Variants in STXBP5L observed in about 807,000 individuals in gnomAD.
STXBP5L encodes syntaxin binding protein 5L.
A neutral mutation model predicts 144.5 loss-of-function variants in STXBP5L; 65 were observed. The ratio of observed to expected loss-of-function variants is 0.45; its 90% CI spans 0.37 to 0.55. The LOEUF (loss-of-function observed/expected upper bound fraction) is 0.55. Among genes scored for constraint, STXBP5L ranks in the 20% least tolerant of loss-of-function variants. The pLI is 0.00. For synonymous variants in STXBP5L, 505 were observed against 469.6 expected, an observed-to-expected ratio of 1.08 and a Z score of -0.97; for missense variants, 1,298 against 1,405.5, an observed-to-expected ratio of 0.92 and a Z score of 1.22.
At chr3:121,025,954 A>G (rs992863363) in intron 3 of STXBP5L, among the ~76,000 whole-genome samples, 4 of 142,200 alleles carry the variant, frequency 2.8e-5, no homozygotes, top group African/African-American at 7.6e-5. Context: ...TCAATATATC[A>G]TAATGTATAA....
chr3:121,024,109 G>A (rs931712193), intron 3 of STXBP5L, among the ~76,000 whole-genome samples: 2 of 152,102 alleles, frequency 1.3e-5, no homozygotes, highest in African/African-American at 4.8e-5. Context: ...CCCTGCGAAA[G>A]ACACTCTTAA....
intron 5 of STXBP5L, among the ~76,000 whole-genome samples, chr3:121,111,180 A>G (rs929406859): frequency 6.6e-6 from 1 of 152,166 alleles, no homozygotes; most frequent in Non-Finnish European, 1.5e-5. Flanking sequence ...TTGGGTTAGA[A>G]CATGCTCCTT....
intron 17 of STXBP5L, 137 bp downstream of exon 17, chr3:121,257,470 T>A: frequency 1.4e-6 from 1 of 709,946 alleles, no homozygotes; most frequent in Non-Finnish European, 2.2e-6. Context: ...GTTACTCTGG[T>A]CTTTTCTTTG....
chr3:121,278,985 CA>C (rs2050968269), intron 18 of STXBP5L, among the ~76,000 whole-genome samples: 1 of 151,220 alleles, frequency 6.6e-6, no homozygotes. Flanking sequence ...GGTTTGTAAA[CA>C]AGATTCAATC....
Position 121,411,404 on chromosome 3 carries a change from C to T in STXBP5L, c.2949-1754C>T, listed in dbSNP as rs537688766. 2.6e-5 allele frequency among the ~76,000 whole-genome samples: 4 copies of T among 152,124 alleles called. No homozygotes were observed. The East Asian group carries it at 7.7e-4, about 29-fold the overall frequency. On this transcript the variant is annotated intron_variant, in intron 23 of 26. Coordinates refer to ENST00000471454, the MANE Select transcript of STXBP5L (RefSeq NM_001308330.2). ...GGACAATGTAAAATCATTGTGCACACTTAGAATCAGTATAATGGTTTCAAA... is the reference window on the plus strand; with the variant it reads ...GGACAATGTAAAATCATTGTGCACATTTAGAATCAGTATAATGGTTTCAAA...
rs2046884634 is a variant in STXBP5L, at chr3:121,401,885, AGAGTAT to A, written c.2588-5357_2588-5352del. ...AATGTGCACATGTACCCTAAAACTTAGAGTATAATAAAAAAAAAAAAAAAAGGAATT... is the reference window on the plus strand; with the variant it reads ...AATGTGCACATGTACCCTAAAACTTAAATAAAAAAAAAAAAAAAAGGAATT... On this transcript the variant is annotated intron_variant, in intron 22 of 26. Coordinates refer to ENST00000471454, the MANE Select transcript of STXBP5L (RefSeq NM_001308330.2). 2.8e-4 allele frequency among the ~76,000 whole-genome samples: 21 copies of A among 75,002 alleles called. No homozygotes were observed. In the Admixed American group the frequency reaches 2.9e-3, roughly 10 times the overall value. 49.2% of individuals were successfully genotyped at this position (75,002 alleles called of 152,430 possible). A position where few individuals can be genotyped will look rare whatever the true frequency, so the allele number is the denominator to read the frequency against.
chr3:121,172,100 GA>G (rs1291564350), intron 9 of STXBP5L, among the ~76,000 whole-genome samples: 2 of 150,238 alleles, frequency 1.3e-5, no homozygotes, highest in African/African-American at 2.4e-5. Flanking sequence ...AAGCAATGGG[GA>G]AAAAATTGTT....
At chr3:121,083,010 A>T (rs2042322685) in intron 5 of STXBP5L, among the ~76,000 whole-genome samples, 1 of 152,122 alleles carries the variant, frequency 6.6e-6, no homozygotes, top group Non-Finnish European at 1.5e-5. Flanking sequence ...ATCCTGGCCA[A>T]CATGGTGAAA....
chr3:121,161,580 C>G (rs1264187318), intron 9 of STXBP5L, among the ~76,000 whole-genome samples: 2 of 151,896 alleles, frequency 1.3e-5, no homozygotes, highest in Admixed American at 1.3e-4. Flanking sequence ...ATATAATTTG[C>G]TGGATCATCA....
chr3:121,028,877 T>G (rs1018550384), intron 3 of STXBP5L, among the ~76,000 whole-genome samples: 1 of 152,020 alleles, frequency 6.6e-6, no homozygotes, highest in African/African-American at 2.4e-5. Context: ...TTGCTAACAA[T>G]AGAAACTAGT....
At chr3:121,299,363 C>G (rs1037805510) in intron 19 of STXBP5L, among the ~76,000 whole-genome samples, 15 of 152,072 alleles carry the variant, frequency 9.9e-5, no homozygotes, top group Admixed American at 6.6e-5. Flanking sequence ...TTTTCAGAGA[C>G]AGTAACATTT....
intron 20 of STXBP5L, among the ~76,000 whole-genome samples, chr3:121,360,162 T>A (rs1399660642): frequency 6.7e-6 from 1 of 150,044 alleles, no homozygotes; most frequent in Non-Finnish European, 1.5e-5. Flanking sequence ...GTGATCTTCT[T>A]TTCTCTTCTT....
At chr3:121,360,299 T>C (rs1377028845) in intron 20 of STXBP5L, among the ~76,000 whole-genome samples, 5 of 151,754 alleles carry the variant, frequency 3.3e-5, no homozygotes, top group African/African-American at 9.7e-5. Context: ...TCTTTATAGG[T>C]GAAGTGTTTT....
chr3:121,173,323 TATAATAATAATA>T (rs35583909), intron 9 of STXBP5L, among the ~76,000 whole-genome samples: 3 of 146,534 alleles, frequency 2.0e-5, no homozygotes, highest in Admixed American at 2.0e-4. Flanking sequence ...GAACTTAAAA[TATAATAATAATA>T]ATAATAATAA....
intron 9 of STXBP5L, among the ~76,000 whole-genome samples, chr3:121,200,879 T>A (rs575507477): frequency 2.4e-4 from 37 of 152,192 alleles, no homozygotes; most frequent in Non-Finnish European, 5.4e-4. Context: ...CATTTGCATT[T>A]GCTGAGGAGT....
At chr3:121,165,828 C>T (rs1465300310) in intron 9 of STXBP5L, among the ~76,000 whole-genome samples, 1 of 152,026 alleles carries the variant, frequency 6.6e-6, no homozygotes, top group African/African-American at 2.4e-5. Context: ...GTGGGCAGGC[C>T]GGTTGGAGAT....
intron 3 of STXBP5L, among the ~76,000 whole-genome samples, chr3:121,018,824 A>G (rs1170694001): frequency 6.6e-6 from 1 of 152,206 alleles, no homozygotes; most frequent in Non-Finnish European, 1.5e-5. Flanking sequence ...ATGAACTTTT[A>G]CTTCATGAAT....
At chr3:121,105,924 T>G (rs1032937665) in intron 5 of STXBP5L, among the ~76,000 whole-genome samples, 4 of 152,158 alleles carry the variant, frequency 2.6e-5, no homozygotes, top group Non-Finnish European at 5.9e-5. Flanking sequence ...TTTTATTTTG[T>G]TTTTATACCT....
chr3:121,174,951 C>A (rs1235466153), intron 9 of STXBP5L, among the ~76,000 whole-genome samples: 1 of 151,986 alleles, frequency 6.6e-6, no homozygotes, highest in Non-Finnish European at 1.5e-5. Flanking sequence ...GAAAAAAAAC[C>A]CAGACAACCC....
Sources: gnomAD v4.1 joint callset for allele counts (sites outside exome capture counted in the v4.1 genomes callset) on GRCh38, gnomAD v4.1.1 for gene constraint, MANE v1.5 for transcripts, NCBI Gene and HGNC (gene_info 2026-07-23, HGNC 2026-07-21) for gene names.